The following LRP6 variants were observed in gnomAD, a reference collection of about 807,000 sequenced individuals.
LRP6 encodes low-density lipoprotein receptor-related protein 6.
In LRP6, 43 loss-of-function variants were observed where a neutral mutation model predicts 184.1. That is an observed-to-expected ratio of 0.23 (90% CI 0.18 to 0.30). The LOEUF (loss-of-function observed/expected upper bound fraction) is 0.30, where lower values mean the gene tolerates loss of function less well. Among genes scored for constraint, LRP6 ranks in the 10% least tolerant of loss-of-function variants. The probability of loss-of-function intolerance (pLI) is 1.00; values close to 1 mark genes in which losing one functional copy is unlikely to be tolerated. For synonymous variants in LRP6, 719 were observed against 684.9 expected (o/e 1.05, Z -0.78); for missense variants, 1,571 against 2,005.3 (o/e 0.78, Z 4.14).
intron 2 of LRP6, among the ~76,000 whole-genome samples, chr12:12,241,744 CAGAA>C (rs759699558): frequency 3.3e-5 from 5 of 152,098 alleles, no homozygotes; most frequent in Non-Finnish European, 5.9e-5. Context: ...CTTTAGTCCA[CAGAA>C]AGAGTTATTC....
chr12:12,261,179 G>A (rs1865606229), intron 1 of LRP6, among the ~76,000 whole-genome samples: 1 of 152,152 alleles, frequency 6.6e-6, no homozygotes, highest in Non-Finnish European at 1.5e-5. Flanking sequence ...CCAACAGTTT[G>A]GGAGGCCGAG....
chr12:12,174,148 GT>G (rs1193614322), intron 7 of LRP6, among the ~76,000 whole-genome samples: 10 of 150,846 alleles, frequency 6.6e-5, no homozygotes, highest in Non-Finnish European at 1.0e-4. Context: ...GTCTTGCTCT[GT>G]TGTCCATGCT....
intron 2 of LRP6, among the ~76,000 whole-genome samples, chr12:12,221,088 A>G (rs527793633): frequency 2.0e-5 from 3 of 152,300 alleles, no homozygotes; most frequent in Admixed American, 6.5e-5. Context: ...ACCAATGTCA[A>G]TATTCGTGAG....
rs180672945 is a variant in LRP6 at position 12,262,052 on chromosome 12, G to C, written c.55+4629C>G. The stretch of plus-strand genomic sequence containing the variant: ...GAGGTCAGGAGTTCGAGACCAGCCT[G>C]ACCAATATGGTGAAACCCCATCTCT... On this transcript the variant is annotated intron_variant, in intron 1 of 22. Coordinates refer to ENST00000261349, the MANE Select transcript of LRP6 (RefSeq NM_002336.3). 2.6e-5 allele frequency among the ~76,000 whole-genome samples: 4 copies of C among 152,228 alleles called. 1 individual carries two copies. The highest frequency in any genetic ancestry group is 9.6e-5 in the African/African-American group (4 of 41,550).
chr12:12,226,521 T>C lies in LRP6; in HGVS notation c.449+17741A>G, dbSNP rs79824874. ...GAAATGCTGGAGACCAAAAACACTATAACATAAATGAAGAATGCCTTTGAT... is the reference window on the plus strand; with the variant it reads ...GAAATGCTGGAGACCAAAAACACTACAACATAAATGAAGAATGCCTTTGAT... On this transcript the variant is annotated intron_variant, in intron 2 of 22. Transcript: ENST00000261349. Among the ~76,000 whole-genome samples the C allele has an allele frequency of 8.2e-3, 1,253 of 152,282 alleles. 9 individuals are homozygous for C. The highest frequency in any genetic ancestry group is 0.029 in the African/African-American group (1,186 of 41,564).
chr12:12,141,827 T>C lies in LRP6; in HGVS notation c.3398-3293A>G, dbSNP rs138495803. ...AATGTACCTAACAGTAATATGTTCATAGCCATAAATAATAAGTAATTAAGT... is the reference window on the plus strand; with the variant it reads ...AATGTACCTAACAGTAATATGTTCACAGCCATAAATAATAAGTAATTAAGT... On this transcript the variant is annotated intron_variant, in intron 15 of 22. Transcript: ENST00000261349. Among the ~76,000 whole-genome samples, 758 of 152,350 alleles carry C rather than the reference T, an allele frequency of 5.0e-3. 8 individuals are homozygous for C. Among genetic ancestry groups the C allele is most frequent in the African/African-American group, 0.017 (690 of 41,582 alleles).
At position 12,237,523 on chromosome 12, in the gene LRP6, A is replaced by G. The variant is rs575366817; in HGVS notation, c.449+6739T>C. Among the ~76,000 whole-genome samples the G allele has an allele frequency of 4.6e-5, 7 of 152,334 alleles. No individual in the cohort carries two copies. The East Asian group carries it at 1.4e-3, about 29-fold the overall frequency. ...TCAAATATATATTGCAAGGGAAAAAACAGTAACTACAGTGAAAAAAAAACT... is the reference window on the plus strand; with the variant it reads ...TCAAATATATATTGCAAGGGAAAAAGCAGTAACTACAGTGAAAAAAAAACT... On this transcript the variant is annotated intron_variant, in intron 2 of 22. Coordinates refer to ENST00000261349, the MANE Select transcript of LRP6 (RefSeq NM_002336.3).
intron 3 of LRP6, among the ~76,000 whole-genome samples, chr12:12,200,609 C>T (rs1355092726): frequency 6.6e-6 from 1 of 152,164 alleles, no homozygotes; most frequent in Admixed American, 6.5e-5. Context: ...TCCTGATGGG[C>T]TTTTTGAAGT....
At chr12:12,154,178 C>G (rs1398265611) in intron 12 of LRP6, among the ~76,000 whole-genome samples, 2 of 152,208 alleles carry the variant, frequency 1.3e-5, no homozygotes, top group African/African-American at 4.8e-5. Context: ...GCAACACTAG[C>G]TTCCTAGGTG....
chr12:12,149,254 A>G (rs1345860924), intron 13 of LRP6, 101 bp from the exon 14 acceptor site: 2 of 904,104 alleles, frequency 2.2e-6, no homozygotes, highest in African/African-American at 3.2e-5. Flanking sequence ...CACAGCTGAG[A>G]AGGCTCTCTC....
At chr12:12,186,409 C>A (rs1033156406) in intron 4 of LRP6, among the ~76,000 whole-genome samples, 2 of 151,998 alleles carry the variant, frequency 1.3e-5, no homozygotes, top group East Asian at 3.9e-4. Context: ...AGCAAAGTCT[C>A]GCTCTGTTGC....
At chr12:12,266,086 G>A (rs1243252694) in intron 1 of LRP6, among the ~76,000 whole-genome samples, 1 of 152,148 alleles carries the variant, frequency 6.6e-6, no homozygotes, top group Non-Finnish European at 1.5e-5. Context: ...AGCTCAGAAG[G>A]CTCCCAATGC....
chr12:12,215,768 T>C (rs552144249), intron 2 of LRP6, among the ~76,000 whole-genome samples: 32 of 151,862 alleles, frequency 2.1e-4, no homozygotes, highest in Admixed American at 2.6e-4. Flanking sequence ...TCCCAACACT[T>C]TGGGAAGCCA....
chr12:12,214,468 T>C (rs978691400), intron 2 of LRP6, among the ~76,000 whole-genome samples: 7 of 152,178 alleles, frequency 4.6e-5, no homozygotes, highest in Middle Eastern at 3.2e-3. Context: ...ATCAACTATG[T>C]TATATAGTAA....
intron 1 of LRP6, among the ~76,000 whole-genome samples, chr12:12,249,593 CCATT>C (rs1865271775): frequency 6.6e-6 from 1 of 151,854 alleles, no homozygotes; most frequent in African/African-American, 2.4e-5. Context: ...AAGGAAGCTC[CCATT>C]CAAAGGAAAT....
At chr12:12,143,619 G>T (rs1449291482) in intron 15 of LRP6, among the ~76,000 whole-genome samples, 3 of 152,142 alleles carry the variant, frequency 2.0e-5, no homozygotes, top group Non-Finnish European at 4.4e-5. Context: ...TGATACTACA[G>T]AGTAGTAGGG....
At chr12:12,218,107 T>C (rs1864395295) in intron 2 of LRP6, among the ~76,000 whole-genome samples, 1 of 151,978 alleles carries the variant, frequency 6.6e-6, no homozygotes, top group Non-Finnish European at 1.5e-5. Flanking sequence ...GAACAGGAAA[T>C]CAGTATTTGC....
At position 12,172,212 on chromosome 12, in the gene LRP6, G is replaced by A. The variant is rs531189372; in HGVS notation, c.1546-6917C>T. ...TGAACCAGAGTCTCCAGTGGTTTCA[G>A]CTGCTTTGACCACACTGTGGCACAT... is the stretch of plus-strand genomic sequence containing the variant. On this transcript the variant is annotated intron_variant, in intron 7 of 22. Coordinates refer to ENST00000261349, the MANE Select transcript of LRP6 (RefSeq NM_002336.3). 7.4e-4 allele frequency among the ~76,000 whole-genome samples: 113 copies of A among 152,260 alleles called. 1 individual carries two copies. In the South Asian group the frequency reaches 0.013, roughly 18 times the overall value.
At chr12:12,206,387 A>C (rs1864056999) in intron 2 of LRP6, among the ~76,000 whole-genome samples, 1 of 151,848 alleles carries the variant, frequency 6.6e-6, no homozygotes, top group Admixed American at 6.6e-5. Context: ...TTAAAAATAC[A>C]AAAAAATTAG....
Sources: gnomAD v4.1 joint callset for allele counts (sites outside exome capture counted in the v4.1 genomes callset) on GRCh38, gnomAD v4.1.1 for gene constraint, MANE v1.5 for transcripts, NCBI Gene and HGNC (gene_info 2026-07-23, HGNC 2026-07-21) for gene names.